Variants in ZFAND3 observed in about 807,000 individuals in gnomAD.
ZFAND3 encodes the protein zinc finger AN1-type containing 3, also known as AN1-type zinc finger protein 3.
Under a neutral mutation model 29.6 loss-of-function variants are expected in ZFAND3, and 10 were observed. The observed-to-expected ratio is 0.34, with a 90% CI of 0.21 to 0.57. The LOEUF (loss-of-function observed/expected upper bound fraction) is 0.57, where lower values mean the gene tolerates loss of function less well. Among genes scored for constraint, ZFAND3 ranks in the 20% least tolerant of loss-of-function variants. ZFAND3 has a pLI of 0.86. For missense variants in ZFAND3, 230 were observed against 304.5 expected (o/e 0.76, Z 1.82); for synonymous variants, 128 against 112.6 (o/e 1.14, Z -0.87).
rs149395962 is a variant in ZFAND3 at position 37,991,073 on chromosome 6, C to CT, written c.112+61081dup. ...TAACCCAATGTCCTTTGAAAGATCT[C>CT]TTTTTTTAAGTTCTGTGGGTTTGAA... On this transcript the variant is annotated intron_variant, in intron 2 of 5. Transcript: ENST00000287218. Among the ~76,000 whole-genome samples, 2,406 of 152,220 alleles carry CT rather than the reference C, an allele frequency of 0.016. 248 individuals carry two copies. The East Asian group carries it at 0.28, about 18-fold the overall frequency.
At chr6:38,061,866 C>T in intron 3 of ZFAND3, 91 bp downstream of exon 3, 1 of 1,430,524 alleles carries the variant, frequency 7.0e-7, no homozygotes, top group Non-Finnish European at 9.4e-7. Flanking sequence ...GAAAAAACAG[C>T]ACTTCTTTTA....
At chr6:38,144,387 T>A (rs887439256) in intron 5 of ZFAND3, among the ~76,000 whole-genome samples, 1 of 152,008 alleles carries the variant, frequency 6.6e-6, no homozygotes, top group East Asian at 1.9e-4. Flanking sequence ...CAACTCAGGA[T>A]GCTTTGGGAG....
chr6:38,147,159 C>G (rs1766128398), intron 5 of ZFAND3, among the ~76,000 whole-genome samples: 1 of 152,188 alleles, frequency 6.6e-6, no homozygotes, highest in Non-Finnish European at 1.5e-5. Context: ...TCTCCACATT[C>G]ACCCTCCCAG....
chr6:38,116,773 A>G (rs775601627), intron 5 of ZFAND3, 34 bp downstream of exon 5: 15 of 1,603,382 alleles, frequency 9.4e-6, no homozygotes, highest in Non-Finnish European at 1.3e-5. Flanking sequence ...GATGGAGACT[A>G]TATCCTTAAC....
At chr6:37,893,402 A>G (rs1765138986) in intron 1 of ZFAND3, among the ~76,000 whole-genome samples, 1 of 152,344 alleles carries the variant, frequency 6.6e-6, no homozygotes, top group African/African-American at 2.4e-5. Flanking sequence ...ACATTCAACA[A>G]ACTATGAATC....
rs115685077 is a variant in ZFAND3 at position 38,086,355 on chromosome 6, C to T, written c.361+3898C>T. ...GTGTGTGGTCGTTCCCACTCCACCC[C>T]ACCCCTACCATCTTTGTAGAGTTCT... On this transcript the variant is annotated intron_variant, in intron 4 of 5. Transcript: ENST00000287218. Among the ~76,000 whole-genome samples, 608 of 152,186 alleles carry T rather than the reference C, an allele frequency of 4.0e-3. 2 individuals carry two copies. The highest frequency in any genetic ancestry group is 0.014 in the African/African-American group (581 of 41,516).
chr6:38,134,805 T>A (rs1765809337), intron 5 of ZFAND3, among the ~76,000 whole-genome samples: 1 of 152,232 alleles, frequency 6.6e-6, no homozygotes, highest in South Asian at 2.1e-4. Flanking sequence ...CACATTTTGC[T>A]GTCTTGTTGC....
At chr6:38,074,703 G>A (rs575228376) in intron 3 of ZFAND3, among the ~76,000 whole-genome samples, 1 of 152,296 alleles carries the variant, frequency 6.6e-6, no homozygotes, top group South Asian at 2.1e-4. Flanking sequence ...TTTCAAAATA[G>A]CGAAAATAAC....
intron 5 of ZFAND3, among the ~76,000 whole-genome samples, chr6:38,131,174 T>C (rs907071303): frequency 5.9e-5 from 9 of 152,244 alleles, no homozygotes; most frequent in African/African-American, 2.2e-4. Context: ...TCATTTCTTA[T>C]TTAGCTTATT....
intron 2 of ZFAND3, among the ~76,000 whole-genome samples, chr6:38,023,792 T>C (rs1763395313): frequency 6.6e-6 from 1 of 152,242 alleles, no homozygotes; most frequent in South Asian, 2.1e-4. Context: ...TCCGCTTCCT[T>C]ACTCAGTTTA....
intron 1 of ZFAND3, among the ~76,000 whole-genome samples, chr6:37,864,997 T>C (rs1421566672): frequency 6.6e-6 from 1 of 152,128 alleles, no homozygotes; most frequent in Admixed American, 6.5e-5. Context: ...CTGGCCAATA[T>C]GGTGAAACCA....
rs551272033 is a variant in ZFAND3 at position 38,096,404 on chromosome 6, C to T, written c.361+13947C>T. Among the ~76,000 whole-genome samples, 356 of 152,236 alleles carry T rather than the reference C, an allele frequency of 2.3e-3. 2 individuals are homozygous for T. The highest frequency in any genetic ancestry group is 7.9e-3 in the African/African-American group (330 of 41,562). Reference sequence around the variant, plus strand: ...GCCAGGCTGATCTCGAACTCCTGACCTTGTGATCCACCCGCCTCAGCCACC... The same window carrying T: ...GCCAGGCTGATCTCGAACTCCTGACTTTGTGATCCACCCGCCTCAGCCACC... On this transcript the variant is annotated intron_variant, in intron 4 of 5. Coordinates refer to ENST00000287218, the MANE Select transcript of ZFAND3 (RefSeq NM_021943.3).
chr6:37,851,925 G>A (rs760037952), intron 1 of ZFAND3, among the ~76,000 whole-genome samples: 4 of 152,138 alleles, frequency 2.6e-5, no homozygotes, highest in African/African-American at 4.8e-5. Context: ...ATTCTTTAAA[G>A]GCACAGAAAC....
chr6:37,911,648 A>G (rs1765522797), intron 1 of ZFAND3, among the ~76,000 whole-genome samples: 1 of 152,214 alleles, frequency 6.6e-6, no homozygotes, highest in African/African-American at 2.4e-5. Flanking sequence ...TATAGAAATA[A>G]TGCATCCTTT....
At chr6:38,080,358 C>T (rs9470762) in intron 3 of ZFAND3, among the ~76,000 whole-genome samples, 43,007 of 151,504 alleles carry the variant, frequency 0.28, 6,774 homozygotes, top group East Asian at 0.57. Context: ...TTAAATAGTT[C>T]GCAGTAGTCA....
chr6:37,988,935 T>A (rs1486573268), intron 2 of ZFAND3, among the ~76,000 whole-genome samples: 2 of 152,056 alleles, frequency 1.3e-5, no homozygotes, highest in African/African-American at 4.8e-5. Flanking sequence ...GACAGAGTCT[T>A]GCTCTGTCAC....
At chr6:38,035,213 A>C (rs1581857471) in intron 2 of ZFAND3, among the ~76,000 whole-genome samples, 1 of 152,306 alleles carries the variant, frequency 6.6e-6, no homozygotes, top group East Asian at 1.9e-4. Context: ...AGAAATACTT[A>C]AAAGTATTTT....
At position 37,820,663 on chromosome 6, in the gene ZFAND3, GA is replaced by G. The variant is rs1451790588; in HGVS notation, c.71+654del. Among the ~76,000 whole-genome samples, 7 of 152,190 alleles carry G rather than the reference GA, an allele frequency of 4.6e-5. No individual in the cohort carries two copies. The South Asian group carries it at 1.2e-3, about 27-fold the overall frequency. On this transcript the variant is annotated intron_variant, in intron 1 of 5. Transcript: ENST00000287218. ...GTAAAATTTCCTTGTCAAAAAGGAA[GA>G]AAAAAACCACACAAAACCTGAAGTC...
In ZFAND3 at chr6:38,086,740, C is replaced by G. The variant is rs1257060268; in HGVS notation, c.361+4283C>G. ...GGAAGGTATTTGGATATTTAGCTGG[C>G]TATCTTCATGACAGTATATTTTTAT... On this transcript the variant is annotated intron_variant, in intron 4 of 5. Coordinates refer to ENST00000287218, the MANE Select transcript of ZFAND3 (RefSeq NM_021943.3). 2.0e-5 allele frequency among the ~76,000 whole-genome samples: 3 copies of G among 152,236 alleles called. No individual in the cohort carries two copies. In the East Asian group the frequency reaches 5.8e-4, roughly 29 times the overall value.
Sources: allele counts gnomAD v4.1 joint callset (sites outside exome capture counted in the v4.1 genomes callset), GRCh38; gene constraint gnomAD v4.1.1; transcripts MANE v1.5; gene names NCBI Gene and HGNC (gene_info 2026-07-23, HGNC 2026-07-21).